Variants in KCTD5 observed in about 807,000 individuals in gnomAD.
The protein encoded by KCTD5 is potassium channel tetramerization domain containing 5.
Under a neutral mutation model 27.9 loss-of-function variants are expected in KCTD5, and 12 were observed. The observed-to-expected ratio is 0.43, with a 90% CI of 0.28 to 0.70. KCTD5 has a LOEUF of 0.70. Among genes scored for constraint, KCTD5 ranks in the 30% least tolerant of loss-of-function variants. The pLI, the probability that KCTD5 is intolerant of heterozygous loss-of-function variation, is 0.19. For missense variants in KCTD5, 226 were observed against 274.8 expected (o/e 0.82, Z 1.26); for synonymous variants, 147 against 121.4 (o/e 1.21, Z -1.39).
chr16:2,702,190 C>T (rs1006717786), intron 4 of KCTD5, among the ~76,000 whole-genome samples, 163 bp from the exon 5 acceptor site: 3 of 152,214 alleles, frequency 2.0e-5, no homozygotes, highest in Non-Finnish European at 2.9e-5. Flanking sequence ...CCCGTGTGCT[C>T]GTGCAGGTGT....
chr16:2,700,415 G>A (rs968961404), intron 4 of KCTD5, among the ~76,000 whole-genome samples: 2 of 152,218 alleles, frequency 1.3e-5, no homozygotes, highest in African/African-American at 2.4e-5. Context: ...GGGTCTGATG[G>A]GTCTGTGCAG....
intron 1 of KCTD5, among the ~76,000 whole-genome samples, chr16:2,687,527 A>G (rs768946085): frequency 2.3e-4 from 35 of 152,206 alleles, no homozygotes; most frequent in Non-Finnish European, 3.5e-4. Flanking sequence ...TTGCAAGTAA[A>G]GTTTTACAGG....
intron 5 of KCTD5, among the ~76,000 whole-genome samples, chr16:2,704,857 C>G (rs574181688): frequency 1.3e-5 from 2 of 152,208 alleles, no homozygotes; most frequent in South Asian, 4.1e-4. Context: ...CTAGCGCCGC[C>G]TGCCAGGAGT....
At chr16:2,706,462 G>A (rs764195027) in intron 5 of KCTD5, among the ~76,000 whole-genome samples, 11 of 152,202 alleles carry the variant, frequency 7.2e-5, no homozygotes, top group Non-Finnish European at 1.0e-4. Flanking sequence ...CTCTGCTCGG[G>A]AGCGTGGGGT....
At chr16:2,687,899 G>C (rs556437710) in intron 1 of KCTD5, among the ~76,000 whole-genome samples, 1 of 152,180 alleles carries the variant, frequency 6.6e-6, no homozygotes, top group South Asian at 2.1e-4. Context: ...GCGTCAACTC[G>C]GCAGTTCTCC....
chr16:2,686,733 G>A (rs2067540760), intron 1 of KCTD5, among the ~76,000 whole-genome samples: 1 of 128,784 alleles, frequency 7.8e-6, no homozygotes, highest in Non-Finnish European at 1.6e-5. Flanking sequence ...GGCAGTCAGG[G>A]TGCCTCTAAC....
At chr16:2,706,624 G>C (rs1031360107) in intron 5 of KCTD5, among the ~76,000 whole-genome samples, 1 of 152,236 alleles carries the variant, frequency 6.6e-6, no homozygotes, top group Non-Finnish European at 1.5e-5. Context: ...TGAGGGAAGT[G>C]GGGAGGGTAC....
chr16:2,688,241 ATATATTTATT>A (rs746117684), intron 1 of KCTD5, among the ~76,000 whole-genome samples: 35,373 of 113,952 alleles, frequency 0.31, 4,903 homozygotes, highest in Admixed American at 0.41. Context: ...ATATATATAT[ATATATTTATT>A]TATTTATTTA....
chr16:2,707,370 C>G lies in KCTD5; in HGVS notation c.*43C>G, dbSNP rs201954966. On this transcript the variant is annotated 3_prime_UTR_variant, in exon 6 of 6. Transcript: ENST00000301738. ...GCTGAAGAAATGATTTACGTTTTCC[C>G]GAGATGTAATGAACTGCCATGTCCA... 1 of 1,597,068 alleles carries G rather than the reference C, an allele frequency of 6.3e-7. No individual in the cohort carries two copies.
intron 4 of KCTD5, among the ~76,000 whole-genome samples, chr16:2,700,470 G>T (rs908147485): frequency 4.7e-4 from 72 of 152,286 alleles, no homozygotes; most frequent in African/African-American, 1.7e-3. Context: ...CCTGAGTGCT[G>T]CATGGGCCAC....
intron 3 of KCTD5, chr16:2,699,105 G>T (rs929228387): frequency 3.3e-5 from 15 of 455,774 alleles, no homozygotes; most frequent in Non-Finnish European, 5.7e-5. Flanking sequence ...CCACCTTAAG[G>T]TCAGGGACCC....
At chr16:2,683,466 A>G (rs1341356280) in intron 1 of KCTD5, 1 of 152,108 alleles carries the variant, frequency 6.6e-6, no homozygotes, top group East Asian at 1.9e-4. Context: ...GAATCTTTCA[A>G]TCTGCTTTCT....
chr16:2,700,091 G>A (rs1411447508), intron 4 of KCTD5, among the ~76,000 whole-genome samples, 175 bp downstream of exon 4: 1 of 152,218 alleles, frequency 6.6e-6, no homozygotes, highest in Non-Finnish European at 1.5e-5. Flanking sequence ...AGCCTTGGGA[G>A]TTCGGGTGGG....
intron 2 of KCTD5, chr16:2,697,082 G>A (rs1232155019): frequency 6.6e-6 from 1 of 152,472 alleles, no homozygotes; most frequent in Non-Finnish European, 1.5e-5. Context: ...TGCTAGAGAA[G>A]GGGGCTGTGC....
intron 5 of KCTD5, among the ~76,000 whole-genome samples, chr16:2,706,534 G>A (rs1262312726): frequency 6.6e-6 from 1 of 152,216 alleles, no homozygotes; most frequent in Non-Finnish European, 1.5e-5. Flanking sequence ...CACCTCAGCA[G>A]CATTGGCCAG....
chr16:2,682,643 T>A lies in KCTD5; in HGVS notation c.95T>A (p.Leu32His), dbSNP rs761114768. The A allele has an allele frequency of 6.3e-7, 1 of 1,589,588 alleles. No individual in the cohort carries two copies. The highest frequency in any genetic ancestry group is 8.5e-7 in the Non-Finnish European group (1 of 1,170,434). Residue 32 changes from leucine to histidine, a missense_variant, in exon 1 of 6, where the codon CTC becomes CAC. Around this residue, in one of 2 missense-constraint regions of KCTD5, gnomAD observed 91 missense variants for 67.8 expected, o/e 1.34. Coordinates refer to ENST00000301738, the MANE Select transcript of KCTD5 (RefSeq NM_018992.4). Reference sequence around the variant, plus strand: ...CTGTGCCGCCGCTGCAGCGCTGGGCTCGGCGCCCTGGCCCAGCGCCCTGGC... The same window carrying A: ...CTGTGCCGCCGCTGCAGCGCTGGGCACGGCGCCCTGGCCCAGCGCCCTGGC... The part of the protein sequence containing the change: ...GGLCRRCSAG[L>H]GALAQRPGSV...
In KCTD5 at chr16:2,682,564, T is replaced by C. The variant is rs779852810; in HGVS notation, c.16T>C (p.Cys6Arg). The change falls in exon 1 of 6, where the codon TGC becomes CGC. Residue 6 changes from cysteine to arginine, a missense_variant. By Grantham distance (180) the Cys-to-Arg change is radical. Around this residue, in one of 2 missense-constraint regions of KCTD5, gnomAD observed 91 missense variants for 67.8 expected, o/e 1.34. Transcript: ENST00000301738. ...TGCTGGGATCATGGCGGAGAATCAC[T>C]GCGAGCTCCTGTCGCCGGCCCGGGG... MAENH[C>R]ELLSPARGGI... The C allele has an allele frequency of 1.4e-6, 2 of 1,413,854 alleles. No individual in the cohort carries two copies. Among genetic ancestry groups the C allele is most frequent in the South Asian group, 1.8e-5 (1 of 54,348 alleles). The allele number at this position is 1,413,854 out of a possible 1,614,324, so 87.6% of individuals were successfully genotyped here.
chr16:2,699,193 C>G (rs1281919725), intron 3 of KCTD5: 1 of 455,970 alleles, frequency 2.2e-6, no homozygotes, highest in Non-Finnish European at 4.4e-6. Context: ...AGTGACTGTC[C>G]AGGATGTGGG....
intron 1 of KCTD5, among the ~76,000 whole-genome samples, chr16:2,691,681 G>C (rs1164926681): frequency 1.3e-5 from 2 of 152,184 alleles, no homozygotes; most frequent in East Asian, 3.8e-4. Context: ...CGGGGGTGTG[G>C]AGCGGCTGGC....
Sources: gnomAD v4.1 joint callset for allele counts (sites outside exome capture counted in the v4.1 genomes callset) on GRCh38, gnomAD v4.1.1 for gene constraint, gnomAD v4.1.1 regional missense constraint, MANE v1.5 for transcripts, NCBI Gene and HGNC (gene_info 2026-07-23, HGNC 2026-07-21) for gene names.